The following ZNF536 variants were observed in gnomAD, a reference collection of about 807,000 sequenced individuals.
ZNF536 encodes zinc finger protein 536.
Under a neutral mutation model 84.5 loss-of-function variants are expected in ZNF536, and 13 were observed. The ratio of observed to expected loss-of-function variants is 0.15; its 90% CI spans 0.10 to 0.24. ZNF536 has a LOEUF of 0.24. Among genes scored for constraint, ZNF536 ranks in the 10% least tolerant of loss-of-function variants. ZNF536 has a pLI of 1.00. For missense variants in ZNF536, 1,536 were observed against 1,747.5 expected (o/e 0.88, Z 2.16); for synonymous variants, 811 against 742.5 (o/e 1.09, Z -1.50).
chr19:30,411,451 G>A (rs1414933260), intron 1 of ZNF536, among the ~76,000 whole-genome samples: 1 of 151,834 alleles, frequency 6.6e-6, no homozygotes. Flanking sequence ...TCTTTACCAA[G>A]GATTATAAAA....
intron 1 of ZNF536, among the ~76,000 whole-genome samples, chr19:30,692,327 A>T (rs1600283998): frequency 2.0e-5 from 3 of 152,098 alleles, no homozygotes; most frequent in African/African-American, 2.4e-5. Context: ...AATTAATCAA[A>T]TTTTTTTCCC....
chr19:30,367,049 C>A (rs1190498297), intron 3 of ZNF536, among the ~76,000 whole-genome samples: 1 of 152,202 alleles, frequency 6.6e-6, no homozygotes, highest in Non-Finnish European at 1.5e-5. Context: ...AAAGAAAATG[C>A]AATAAAAGGA....
chr19:30,637,845 T>C (rs1421060808), intron 1 of ZNF536, among the ~76,000 whole-genome samples: 2 of 152,060 alleles, frequency 1.3e-5, no homozygotes, highest in Admixed American at 6.6e-5. Context: ...AGACTGTGTC[T>C]TTTTTTTATA....
rs145928339 is a variant in ZNF536 at position 30,356,997 on chromosome 19, C to T, written c.-3+4513C>T. Among the ~76,000 whole-genome samples, 41 of 152,338 alleles carry T rather than the reference C, an allele frequency of 2.7e-4. No homozygotes were observed. The East Asian group carries it at 6.9e-3, about 26-fold the overall frequency. On this transcript the variant is annotated intron_variant, in intron 3 of 5. Coordinates refer to the ZNF536 transcript ENST00000585628. ...TTAGAGCCTGAACTCTTAGCTCTTG[C>T]ACTGGGCACAATGTTGGACAAGACA...
chr19:30,249,418 A>G (rs961851928), intron 1 of ZNF536, among the ~76,000 whole-genome samples: 3 of 152,132 alleles, frequency 2.0e-5, no homozygotes, highest in Non-Finnish European at 4.4e-5. Context: ...CCCTTGTGGC[A>G]TGAGTTCTAT....
At position 30,443,412 on chromosome 19, in the gene ZNF536, AT is replaced by A. The variant is rs998435584; in HGVS notation, c.-2-142del. The A allele has an allele frequency of 6.2e-5, 78 of 1,265,288 alleles. 1 individual carries two copies. The South Asian group carries it at 1.1e-3, about 19-fold the overall frequency. The allele number at this position is 1,265,288 out of a possible 1,614,324, so 78.4% of individuals were successfully genotyped here. A position where few individuals can be genotyped will look rare whatever the true frequency, so the allele number is the denominator to read the frequency against. On this transcript the variant is annotated intron_variant, in intron 1 of 4. Coordinates refer to ENST00000355537, the MANE Select transcript of ZNF536 (RefSeq NM_014717.3). ...TTGCATAATTGGCATTTAATAATTC[AT>A]TTTTTTATTATTGTTTTTGACAAGA...
chr19:30,399,683 T>TG (rs895412237), intron 1 of ZNF536, among the ~76,000 whole-genome samples: 1 of 149,390 alleles, frequency 6.7e-6, no homozygotes, highest in African/African-American at 2.5e-5. Context: ...AGAAATGTTT[T>TG]TTTTTTTTTT....
intron 1 of ZNF536, among the ~76,000 whole-genome samples, chr19:30,238,499 G>T (rs187856437): frequency 6.6e-5 from 10 of 152,138 alleles, no homozygotes; most frequent in Non-Finnish European, 1.2e-4. Context: ...AAGTGTACTG[G>T]TTGGTTGCTG....
At position 30,549,011 on chromosome 19, in the gene ZNF536, C is replaced by T. The variant is rs1277053396; in HGVS notation, c.3392C>T (p.Pro1131Leu). Residue 1131 changes from proline to leucine, a missense_variant, in exon 4 of 5, where the codon CCC (proline) becomes CTC (leucine). Pro to Leu is a moderately conservative substitution (Grantham distance 98, BLOSUM62 -3). Coordinates refer to ENST00000355537, the MANE Select transcript of ZNF536 (RefSeq NM_014717.3). Reference protein sequence around the residue: ...MVGSGASSSCPNKEPDGKAHS... With the variant: ...MVGSGASSSCLNKEPDGKAHS... ...GGCTCAGGGGCCTCCAGTTCCTGCC[C>T]CAACAAGGAGCCTGATGGAAAGGCC... 6.2e-7 allele frequency: 1 copy of T among 1,614,132 alleles called. No homozygotes were observed.
At chr19:30,406,107 C>A (rs2050252527) in intron 1 of ZNF536, among the ~76,000 whole-genome samples, 1 of 152,216 alleles carries the variant, frequency 6.6e-6, no homozygotes, top group African/African-American at 2.4e-5. Context: ...CCTGAAGGAT[C>A]TCTAAAGTCA....
At chr19:30,611,832 G>A (rs2048115360) in intron 1 of ZNF536, among the ~76,000 whole-genome samples, 1 of 152,140 alleles carries the variant, frequency 6.6e-6, no homozygotes, top group Non-Finnish European at 1.5e-5. Flanking sequence ...GATTGGCTAG[G>A]TCCATGGAAC....
chr19:30,689,186 C>T (rs779554187), intron 1 of ZNF536, among the ~76,000 whole-genome samples: 4 of 152,246 alleles, frequency 2.6e-5, no homozygotes, highest in Non-Finnish European at 5.9e-5. Context: ...AGAGAGCTGT[C>T]TGCCTCCAAA....
At chr19:30,677,217 C>T (rs1334100755) in intron 1 of ZNF536, among the ~76,000 whole-genome samples, 1 of 152,206 alleles carries the variant, frequency 6.6e-6, no homozygotes, top group Admixed American at 6.5e-5. Context: ...CTGGCTGGTG[C>T]TCGGGAGAGG....
At chr19:30,627,866 C>T (rs991523806) in intron 1 of ZNF536, among the ~76,000 whole-genome samples, 1 of 152,170 alleles carries the variant, frequency 6.6e-6, no homozygotes, top group Non-Finnish European at 1.5e-5. Flanking sequence ...TCTGACCCTG[C>T]GGGTGCAGCT....
chr19:30,614,978 G>T (rs1226490544), intron 1 of ZNF536, among the ~76,000 whole-genome samples: 1 of 26,688 alleles, frequency 3.7e-5, no homozygotes, highest in South Asian at 1.7e-3. Flanking sequence ...GCGGAGTTTC[G>T]CTCTGTCGCC....
At chr19:30,630,655 G>A (rs372057977) in intron 1 of ZNF536, among the ~76,000 whole-genome samples, 9 of 152,118 alleles carry the variant, frequency 5.9e-5, no homozygotes, top group African/African-American at 2.2e-4. Flanking sequence ...TGGCACAGCC[G>A]ACCTCCCTTC....
At chr19:30,314,752 A>G (rs547474932) in intron 2 of ZNF536, among the ~76,000 whole-genome samples, 2 of 151,950 alleles carry the variant, frequency 1.3e-5, no homozygotes, top group Non-Finnish European at 1.5e-5. Context: ...TATTGGTCTG[A>G]TAGGAGGAAT....
intron 1 of ZNF536, among the ~76,000 whole-genome samples, chr19:30,639,237 C>T (rs1415498056): frequency 6.6e-6 from 1 of 152,146 alleles, no homozygotes; most frequent in Non-Finnish European, 1.5e-5. Context: ...GAACCACCCA[C>T]GTCATTTAAA....
At chr19:30,281,345 G>A (rs2045436482) in intron 1 of ZNF536, among the ~76,000 whole-genome samples, 1 of 152,192 alleles carries the variant, frequency 6.6e-6, no homozygotes, top group South Asian at 2.1e-4. Flanking sequence ...CTTTCTGGAA[G>A]TTGCGGCCAC....
Sources: allele counts gnomAD v4.1 joint callset (sites outside exome capture counted in the v4.1 genomes callset), GRCh38; gene constraint gnomAD v4.1.1; transcripts MANE v1.5; gene names NCBI Gene and HGNC (gene_info 2026-07-23, HGNC 2026-07-21).